The following PSTPIP2 variants were observed in gnomAD, a reference collection of about 807,000 sequenced individuals.
The protein encoded by PSTPIP2 is proline-serine-threonine phosphatase interacting protein 2, also known as proline-serine-threonine phosphatase-interacting protein 2.
In PSTPIP2, 33 loss-of-function variants were observed where a neutral mutation model predicts 63.3. The observed-to-expected ratio is 0.52, with a 90% CI of 0.40 to 0.70. The LOEUF is 0.70. PSTPIP2 is among the 30% of genes least tolerant of loss of function. The pLI is 0.00. For synonymous variants in PSTPIP2, 125 were observed against 132.7 expected (o/e 0.94, Z 0.40); for missense variants, 312 against 400.7 (o/e 0.78, Z 1.89).
At chr18:46,040,150 G>T in intron 1 of PSTPIP2, 103 bp from the exon 2 acceptor site, 1 of 935,186 alleles carries the variant, frequency 1.1e-6, no homozygotes, top group South Asian at 1.6e-5. Flanking sequence ...ACGGAACGTT[G>T]CTGACTCACT....
intron 1 of PSTPIP2, among the ~76,000 whole-genome samples, chr18:46,045,098 T>G (rs1055842868): frequency 1.3e-5 from 2 of 152,258 alleles, no homozygotes; most frequent in Admixed American, 1.3e-4. Flanking sequence ...GAAGTCAGTG[T>G]GGCGATTCCT....
In PSTPIP2 at chr18:46,051,381, G is replaced by A. The variant is rs200544773; in HGVS notation, c.34-11334C>T. ...TCCCAGCTACATGGGAGGCTGAGGT[G>A]GGAGAATCACTTGAGCCCGGGAAGT... is the stretch of plus-strand genomic sequence containing the variant. On this transcript the variant is annotated intron_variant, in intron 1 of 14. Coordinates refer to ENST00000409746, the MANE Select transcript of PSTPIP2 (RefSeq NM_024430.4). 2.0e-3 allele frequency among the ~76,000 whole-genome samples: 307 copies of A among 152,160 alleles called. 2 individuals are homozygous for A. The highest frequency in any genetic ancestry group is 0.016 in the Admixed American group (251 of 15,292).
intron 1 of PSTPIP2, among the ~76,000 whole-genome samples, chr18:46,066,899 T>A (rs1385959475): frequency 6.6e-6 from 1 of 151,258 alleles, no homozygotes; most frequent in Non-Finnish European, 1.5e-5. Flanking sequence ...TGGTGGCGCA[T>A]GCCTGTAATC....
intron 6 of PSTPIP2, among the ~76,000 whole-genome samples, chr18:46,002,987 A>G (rs2051683847): frequency 6.6e-6 from 1 of 152,244 alleles, no homozygotes; most frequent in Non-Finnish European, 1.5e-5. Context: ...GTATTATGTT[A>G]CAAGACTCTG....
At chr18:46,043,121 C>T (rs1250048362) in intron 1 of PSTPIP2, among the ~76,000 whole-genome samples, 1 of 150,964 alleles carries the variant, frequency 6.6e-6, no homozygotes, top group African/African-American at 2.4e-5. Flanking sequence ...TGTGGTGGCT[C>T]ATGCCTGTAA....
At chr18:46,019,385 C>T (rs947925866) in intron 3 of PSTPIP2, among the ~76,000 whole-genome samples, 3 of 152,190 alleles carry the variant, frequency 2.0e-5, no homozygotes, top group Admixed American at 2.0e-4. Context: ...TGCCTTTTCT[C>T]ACATGAACAT....
chr18:46,045,004 A>G (rs918752827), intron 1 of PSTPIP2, among the ~76,000 whole-genome samples: 1 of 152,222 alleles, frequency 6.6e-6, no homozygotes, highest in African/African-American at 2.4e-5. Flanking sequence ...AAAAGTCAGG[A>G]AACAACAGGT....
At chr18:46,034,809 T>C (rs1033688705) in intron 2 of PSTPIP2, among the ~76,000 whole-genome samples, 3 of 152,150 alleles carry the variant, frequency 2.0e-5, no homozygotes, top group Non-Finnish European at 2.9e-5. Flanking sequence ...AAACTTACCA[T>C]ACAGAGTTTT....
chr18:46,056,970 G>A (rs1040942836), intron 1 of PSTPIP2, among the ~76,000 whole-genome samples: 1 of 152,018 alleles, frequency 6.6e-6, no homozygotes, highest in South Asian at 2.1e-4. Flanking sequence ...TGGGTGCAGT[G>A]GTGGGTACCT....
chr18:45,997,501 C>T (rs1310792943), intron 9 of PSTPIP2, among the ~76,000 whole-genome samples: 1 of 152,034 alleles, frequency 6.6e-6, no homozygotes, highest in Non-Finnish European at 1.5e-5. Context: ...TTTCTGATTT[C>T]TAATTTGCCC....
chr18:46,028,494 G>A (rs1378392763), intron 2 of PSTPIP2: 6 of 633,796 alleles, frequency 9.5e-6, no homozygotes, highest in Non-Finnish European at 1.8e-5. Flanking sequence ...GCTGGTCTTC[G>A]GCGATGTCGA....
intron 2 of PSTPIP2, among the ~76,000 whole-genome samples, chr18:46,034,642 T>A (rs555352679): frequency 1.6e-4 from 24 of 152,330 alleles, no homozygotes; most frequent in African/African-American, 5.5e-4. Context: ...GTGTACCAGC[T>A]ACTGTACTGG....
chr18:45,998,783 T>C lies in PSTPIP2; in HGVS notation c.562+11A>G. 2 of 1,613,526 alleles carry C rather than the reference T, an allele frequency of 1.2e-6. No individual in the cohort carries two copies. Among genetic ancestry groups the C allele is most frequent in the Non-Finnish European group, 1.7e-6 (2 of 1,179,760 alleles). On this transcript the variant is annotated intron_variant, in intron 8 of 14. Transcript: ENST00000409746. ...GCAACCCTCCCCCATCCGTAGGAAC[T>C]GCCCCCTCACCTGAGTCCTCTACTG...
intron 4 of PSTPIP2, among the ~76,000 whole-genome samples, chr18:46,014,221 C>T (rs1300368170): frequency 6.6e-6 from 1 of 151,990 alleles, no homozygotes; most frequent in Non-Finnish European, 1.5e-5. Context: ...GGAGTTTTAC[C>T]ATGTTGGCCA....
chr18:46,010,487 A>G (rs1165355636), intron 5 of PSTPIP2, among the ~76,000 whole-genome samples: 3 of 152,240 alleles, frequency 2.0e-5, no homozygotes, highest in Non-Finnish European at 4.4e-5. Flanking sequence ...CTGCAGGATC[A>G]GCCTGAATAT....
At chr18:45,990,167 CT>C in intron 13 of PSTPIP2, among the ~76,000 whole-genome samples, 1 of 152,138 alleles carries the variant, frequency 6.6e-6, no homozygotes, top group Non-Finnish European at 1.5e-5. Flanking sequence ...TTGAAATAAT[CT>C]TTTAGGTAAA....
At chr18:46,063,158 A>G (rs1369314435) in intron 1 of PSTPIP2, among the ~76,000 whole-genome samples, 1 of 152,064 alleles carries the variant, frequency 6.6e-6, no homozygotes. Flanking sequence ...ACTGGCCACC[A>G]TGCCTTGCTA....
intron 5 of PSTPIP2, among the ~76,000 whole-genome samples, chr18:46,006,362 T>C (rs2051725981): frequency 5.8e-5 from 2 of 34,330 alleles, no homozygotes; most frequent in African/African-American, 1.5e-4. Context: ...CCCTGGTACT[T>C]TTTTTTTTTT....
rs111407872 is a variant in PSTPIP2 at position 46,056,437 on chromosome 18, G to A, written c.33+15719C>T. Among the ~76,000 whole-genome samples, 863 of 152,358 alleles carry A rather than the reference G, an allele frequency of 5.7e-3. 16 individuals carry two copies. Among genetic ancestry groups the A allele is most frequent in the Admixed American group, 0.032 (490 of 15,298 alleles). ...CTTTCTTTACAATTTTGAGGGGCCA[G>A]GCGTGGTTGCTCATGCCTGTAATCC... On this transcript the variant is annotated intron_variant, in intron 1 of 14. Coordinates refer to ENST00000409746, the MANE Select transcript of PSTPIP2 (RefSeq NM_024430.4).
Sources: allele counts gnomAD v4.1 joint callset (sites outside exome capture counted in the v4.1 genomes callset), GRCh38; gene constraint gnomAD v4.1.1; transcripts MANE v1.5; gene names NCBI Gene and HGNC (gene_info 2026-07-23, HGNC 2026-07-21).